DLGAP2: variants seen among roughly 807,000 people sequenced by gnomAD.
The protein encoded by DLGAP2 is disks large-associated protein 2.
A neutral mutation model predicts 100.3 loss-of-function variants in DLGAP2; 26 were observed. The ratio of observed to expected loss-of-function variants is 0.26; its 90% CI spans 0.19 to 0.36. DLGAP2 has a LOEUF of 0.36. Among genes scored for constraint, DLGAP2 ranks in the 10% least tolerant of loss-of-function variants. The pLI, the probability that DLGAP2 is intolerant of heterozygous loss-of-function variation, is 1.00. For missense variants in DLGAP2, 1,858 were observed against 1,453.2 expected (o/e 1.28, Z -4.53); for synonymous variants, 886 against 630.1 (o/e 1.41, Z -6.08).
chr8:1,548,310 T>C (rs1801612653), intron 4 of DLGAP2, among the ~76,000 whole-genome samples: 1 of 151,288 alleles, frequency 6.6e-6, no homozygotes, highest in Non-Finnish European at 1.5e-5. Context: ...AAATACAAAA[T>C]TAGCCGGGCG....
chr8:1,117,058 A>G (rs1291401042), intron 2 of DLGAP2, among the ~76,000 whole-genome samples: 1 of 152,210 alleles, frequency 6.6e-6, no homozygotes, highest in East Asian at 1.9e-4. Context: ...AGGATCCCAA[A>G]GCTTTATGGG....
intron 6 of DLGAP2, among the ~76,000 whole-genome samples, chr8:1,616,366 G>C (rs146946717): frequency 8.5e-5 from 13 of 152,160 alleles, no homozygotes; most frequent in African/African-American, 2.9e-4. Flanking sequence ...TTACAAATTT[G>C]GTTTGAAAGA....
At chr8:1,417,417 A>G (rs1326224563) in intron 3 of DLGAP2, among the ~76,000 whole-genome samples, 1 of 152,186 alleles carries the variant, frequency 6.6e-6, no homozygotes, top group African/African-American at 2.4e-5. Flanking sequence ...CTGATTGTTG[A>G]AGCAAACCTT....
intron 3 of DLGAP2, among the ~76,000 whole-genome samples, chr8:1,270,315 C>G (rs1165903378): frequency 4.6e-5 from 7 of 152,072 alleles, no homozygotes; most frequent in Non-Finnish European, 4.4e-5. Context: ...TGAAAAATGT[C>G]CAGAAATAGA....
chr8:1,695,628 C>G (rs939483820), intron 13 of DLGAP2, among the ~76,000 whole-genome samples: 7 of 151,828 alleles, frequency 4.6e-5, no homozygotes, highest in Non-Finnish European at 8.8e-5. Flanking sequence ...CACAGCCATG[C>G]CCGGCACTAC....
At chr8:1,194,022 C>T (rs971634209) in intron 2 of DLGAP2, among the ~76,000 whole-genome samples, 15 of 152,090 alleles carry the variant, frequency 9.9e-5, no homozygotes, top group Non-Finnish European at 1.8e-4. Flanking sequence ...TTGGCATTAC[C>T]GGGACCAAAT....
chr8:802,507 G>A (rs933906183), intron 1 of DLGAP2, among the ~76,000 whole-genome samples: 52 of 152,290 alleles, frequency 3.4e-4, no homozygotes, highest in Admixed American at 3.2e-3. Flanking sequence ...GCTGGGTGGT[G>A]GTAGCTGAGG....
chr8:974,282 C>T (rs1800107067), intron 2 of DLGAP2, among the ~76,000 whole-genome samples: 1 of 152,124 alleles, frequency 6.6e-6, no homozygotes, highest in African/African-American at 2.4e-5. Flanking sequence ...AATAAAATGG[C>T]TCACGTACAG....
At chr8:886,568 G>A (rs762662326) in intron 1 of DLGAP2, among the ~76,000 whole-genome samples, 22 of 152,282 alleles carry the variant, frequency 1.4e-4, no homozygotes, top group Non-Finnish European at 2.9e-4. Flanking sequence ...CTGATACGTT[G>A]TCTCTTTGTT....
Position 1,227,169 on chromosome 8 carries a change from T to A in DLGAP2, c.74-31682T>A. On this transcript the variant is annotated intron_variant, in intron 2 of 14. Coordinates refer to ENST00000637795, the MANE Select transcript of DLGAP2 (RefSeq NM_001346810.2). The stretch of plus-strand genomic sequence containing the variant: ...AAACTGTGAGATATATATATATATA[T>A]ATATAGTATAGATATATATTATCCA... Among the ~76,000 whole-genome samples the A allele has an allele frequency of 1.5e-5, 2 of 134,770 alleles. 1 individual carries two copies. Among genetic ancestry groups the A allele is most frequent in the Non-Finnish European group, 3.1e-5 (2 of 65,526 alleles). The allele number at this position is 134,770 out of a possible 152,430, so 88.4% of individuals were successfully genotyped here.
intron 6 of DLGAP2, among the ~76,000 whole-genome samples, chr8:1,608,314 C>T (rs1796886580): frequency 4.7e-5 from 5 of 106,904 alleles, no homozygotes; most frequent in African/African-American, 1.5e-4. Context: ...TTCCAACAGA[C>T]CTGCAGCTGA....
At chr8:743,023 G>T (rs539045876) in intron 1 of DLGAP2, among the ~76,000 whole-genome samples, 2 of 152,186 alleles carry the variant, frequency 1.3e-5, no homozygotes, top group Non-Finnish European at 2.9e-5. Context: ...GTCCACAATG[G>T]AAGTTATCAA....
At chr8:1,041,324 C>T (rs1015609717) in intron 2 of DLGAP2, among the ~76,000 whole-genome samples, 1 of 152,042 alleles carries the variant, frequency 6.6e-6, no homozygotes, top group African/African-American at 2.4e-5. Context: ...CAGCTACTCT[C>T]AGCCTTTTTC....
At chr8:1,690,459 T>A (rs1279825434) in intron 12 of DLGAP2, among the ~76,000 whole-genome samples, 2 of 151,014 alleles carry the variant, frequency 1.3e-5, no homozygotes, top group Non-Finnish European at 3.0e-5. Context: ...AATCCCAGCT[T>A]TTTGGGAGGC....
At chr8:1,619,717 C>T (rs1014758876) in intron 6 of DLGAP2, 28 of 152,276 alleles carry the variant, frequency 1.8e-4, no homozygotes, top group African/African-American at 6.7e-4. Flanking sequence ...CACAGAACTC[C>T]ATAAGTTATG....
In DLGAP2 at chr8:954,389, T is replaced by C. The variant is rs547832117; in HGVS notation, c.73+46423T>C. Among the ~76,000 whole-genome samples the C allele has an allele frequency of 3.3e-5, 5 of 152,322 alleles. No homozygotes were observed. In the East Asian group the frequency reaches 5.8e-4, roughly 18 times the overall value. ...CTTCAGCCCCTAGGAGAAACTCTTA[T>C]ACAAGTGACCAAGAAATGTGTTCAA... On this transcript the variant is annotated intron_variant, in intron 2 of 14. Transcript: ENST00000637795.
At chr8:1,362,875 CTT>C (rs1005074015) in intron 3 of DLGAP2, among the ~76,000 whole-genome samples, 7 of 152,286 alleles carry the variant, frequency 4.6e-5, no homozygotes, top group Non-Finnish European at 1.0e-4. Flanking sequence ...GCTAGTTTCT[CTT>C]GTCTTTTCCC....
chr8:998,315 C>T (rs1246206764), intron 2 of DLGAP2, among the ~76,000 whole-genome samples: 1 of 152,132 alleles, frequency 6.6e-6, no homozygotes, highest in East Asian at 1.9e-4. Flanking sequence ...TTTATCTAGA[C>T]AGATAGACAG....
chr8:788,514 G>C (rs1454752159), intron 1 of DLGAP2, among the ~76,000 whole-genome samples: 1 of 152,218 alleles, frequency 6.6e-6, no homozygotes, highest in East Asian at 1.9e-4. Flanking sequence ...GTAGTGTCCA[G>C]GGAGCTTGTG....
Sources: allele counts gnomAD v4.1 joint callset (sites outside exome capture counted in the v4.1 genomes callset), GRCh38; gene constraint gnomAD v4.1.1; transcripts MANE v1.5; gene names NCBI Gene and HGNC (gene_info 2026-07-23, HGNC 2026-07-21).